VPS13B: variants seen among roughly 807,000 people sequenced by gnomAD.
VPS13B encodes intermembrane lipid transfer protein VPS13B.
VPS13B carries 285 observed loss-of-function variants against 426.4 expected under a neutral mutation model. That is an observed-to-expected ratio of 0.67 (90% confidence interval 0.61 to 0.74). The LOEUF (loss-of-function observed/expected upper bound fraction) is 0.74, where lower values mean the gene tolerates loss of function less well. Ranked by LOEUF, VPS13B falls within the 30% of genes least tolerant of loss-of-function variation. The pLI, the probability that VPS13B is intolerant of heterozygous loss-of-function variation, is 0.00. For missense variants in VPS13B, 4,537 were observed against 4,782.6 expected (o/e 0.95, Z 1.51); for synonymous variants, 1,676 against 1,676.4 (o/e 1.00, Z 0.01).
intron 31 of VPS13B, among the ~76,000 whole-genome samples, chr8:99,574,587 A>G (rs938769459): frequency 1.3e-5 from 2 of 152,162 alleles, no homozygotes; most frequent in Non-Finnish European, 2.9e-5. Flanking sequence ...GGTTCTGTTT[A>G]TATGCTGGAT....
chr8:99,707,768 C>G (rs1321501681), intron 36 of VPS13B, among the ~76,000 whole-genome samples: 4 of 152,154 alleles, frequency 2.6e-5, no homozygotes, highest in Non-Finnish European at 5.9e-5. Flanking sequence ...AGTCTTAACT[C>G]CCTCATTGAG....
intron 3 of VPS13B, among the ~76,000 whole-genome samples, chr8:99,081,520 AC>A (rs1588009569): frequency 6.6e-6 from 1 of 150,902 alleles, no homozygotes; most frequent in East Asian, 1.9e-4. Flanking sequence ...GGTGTGCTGC[AC>A]CCATTAACTC....
intron 12 of VPS13B, among the ~76,000 whole-genome samples, chr8:99,141,005 G>A (rs979713586): frequency 1.3e-5 from 2 of 152,006 alleles, no homozygotes; most frequent in African/African-American, 4.8e-5. Flanking sequence ...AAATGTTATG[G>A]ACCCTAAAGT....
At chr8:99,344,729 T>C (rs1387123508) in intron 19 of VPS13B, among the ~76,000 whole-genome samples, 1 of 151,214 alleles carries the variant, frequency 6.6e-6, no homozygotes, top group Non-Finnish European at 1.5e-5. Flanking sequence ...TTTTTTCCAG[T>C]TAGTTTTTTT....
At chr8:99,242,010 G>A (rs543446411) in intron 17 of VPS13B, among the ~76,000 whole-genome samples, 1 of 151,594 alleles carries the variant, frequency 6.6e-6, no homozygotes, top group South Asian at 2.1e-4. Flanking sequence ...TTGGAGTCTC[G>A]CTATTGTCAG....
rs548326302 is a variant in VPS13B, at chr8:99,375,150, A to G, written c.2825-9058A>G. ...CAAGTGGGTGGGATCCCCTGTGTCT[A>G]GAGTTCTCAGTGATTCTAAACTATC... On this transcript the variant is annotated intron_variant, in intron 19 of 61. Coordinates refer to ENST00000357162, the MANE Select transcript of VPS13B (RefSeq NM_152564.5). Among the ~76,000 whole-genome samples, 32 of 152,264 alleles carry G rather than the reference A, an allele frequency of 2.1e-4. No individual in the cohort carries two copies. The South Asian group carries it at 2.5e-3, about 12-fold the overall frequency.
intron 21 of VPS13B, among the ~76,000 whole-genome samples, chr8:99,409,998 G>A (rs1209071544): frequency 6.6e-6 from 1 of 152,046 alleles, no homozygotes; most frequent in African/African-American, 2.4e-5. Context: ...CATACAGAGT[G>A]GTATAATGGA....
At chr8:99,416,057 G>A (rs1815984000) in intron 21 of VPS13B, among the ~76,000 whole-genome samples, 1 of 152,220 alleles carries the variant, frequency 6.6e-6, no homozygotes, top group Non-Finnish European at 1.5e-5. Flanking sequence ...GGAGATGGGA[G>A]TTTTATCTAT....
chr8:99,203,529 T>C (rs1245016313), intron 17 of VPS13B, among the ~76,000 whole-genome samples: 1 of 152,034 alleles, frequency 6.6e-6, no homozygotes, highest in Non-Finnish European at 1.5e-5. Flanking sequence ...CAGGCAAGAA[T>C]AAGAAATAAA....
At chr8:99,720,596 G>A in intron 38 of VPS13B, 44 bp downstream of exon 38, 1 of 1,590,498 alleles carries the variant, frequency 6.3e-7, no homozygotes, top group African/African-American at 1.3e-5. Context: ...CTGTGCATGT[G>A]GTTGCATTTT....
chr8:99,390,246 C>T (rs908907276), intron 20 of VPS13B, among the ~76,000 whole-genome samples: 1 of 151,712 alleles, frequency 6.6e-6, no homozygotes, highest in Non-Finnish European at 1.5e-5. Context: ...TACAGGCACC[C>T]GCCACCATGC....
intron 39 of VPS13B, among the ~76,000 whole-genome samples, chr8:99,731,604 G>A (rs2130409847): frequency 6.6e-6 from 1 of 152,296 alleles, no homozygotes; most frequent in Middle Eastern, 3.4e-3. Context: ...GGAGAGACCA[G>A]AATAAGAAGA....
intron 42 of VPS13B, among the ~76,000 whole-genome samples, chr8:99,780,951 T>C (rs949411506): frequency 6.6e-6 from 1 of 152,216 alleles, no homozygotes; most frequent in African/African-American, 2.4e-5. Flanking sequence ...TTATTGTGTG[T>C]ATACTGCTCA....
intron 42 of VPS13B, among the ~76,000 whole-genome samples, chr8:99,783,984 C>CT (rs1247124771): frequency 1.3e-5 from 2 of 152,196 alleles, no homozygotes; most frequent in Non-Finnish European, 2.9e-5. Context: ...AAAACGTGCA[C>CT]TACCCAGTAC....
chr8:99,111,437 G>A (rs1241458472), intron 6 of VPS13B, among the ~76,000 whole-genome samples, 158 bp downstream of exon 6: 1 of 151,530 alleles, frequency 6.6e-6, no homozygotes, highest in Non-Finnish European at 1.5e-5. Context: ...TGATTTTTAT[G>A]TTGTATTTAT....
chr8:99,455,720 C>A (rs1429763947), intron 23 of VPS13B, among the ~76,000 whole-genome samples: 1 of 152,124 alleles, frequency 6.6e-6, no homozygotes, highest in East Asian at 1.9e-4. Flanking sequence ...TGGAATCATA[C>A]AATATATAGT....
chr8:99,418,794 C>T (rs1462240620), intron 21 of VPS13B, among the ~76,000 whole-genome samples: 1 of 152,140 alleles, frequency 6.6e-6, no homozygotes, highest in Non-Finnish European at 1.5e-5. Flanking sequence ...ACTCTTTTGT[C>T]AAGGCCTGGT....
intron 19 of VPS13B, among the ~76,000 whole-genome samples, chr8:99,300,691 A>G (rs1402209772): frequency 3.3e-5 from 5 of 152,076 alleles, no homozygotes; most frequent in Admixed American, 3.3e-4. Context: ...TTCTTTAGTT[A>G]TCCATTCAAG....
chr8:99,489,051 A>G (rs562623701), intron 25 of VPS13B, among the ~76,000 whole-genome samples: 2 of 152,118 alleles, frequency 1.3e-5, no homozygotes, highest in African/African-American at 4.8e-5. Context: ...ATCTTGAGTT[A>G]CTTTCTGTAT....
Sources: allele counts gnomAD v4.1 joint callset (sites outside exome capture counted in the v4.1 genomes callset), GRCh38; gene constraint gnomAD v4.1.1; transcripts MANE v1.5; gene names NCBI Gene and HGNC (gene_info 2026-07-23, HGNC 2026-07-21).